The following AP2A2 variants were observed in gnomAD, a reference collection of about 807,000 sequenced individuals.
AP2A2 encodes the protein adaptor related protein complex 2 subunit alpha 2.
AP2A2 carries 32 observed loss-of-function variants against 104.2 expected under a neutral mutation model. The ratio of observed to expected loss-of-function variants is 0.31; its 90% CI spans 0.23 to 0.41. The LOEUF is 0.41. Ranked by LOEUF, AP2A2 falls within the 10% of genes least tolerant of loss-of-function variation. The pLI is 1.00. For synonymous variants in AP2A2, 539 were observed against 533.3 expected, an observed-to-expected ratio of 1.01 and a Z score of -0.15; for missense variants, 912 against 1,261.0, an observed-to-expected ratio of 0.72 and a Z score of 4.19.
At chr11:948,459 A>G (rs1853927248) in intron 1 of AP2A2, 1 of 152,270 alleles carries the variant, frequency 6.6e-6, no homozygotes, top group African/African-American at 2.4e-5. Context: ...AATTGGAACA[A>G]TACAGAGATT....
intron 1 of AP2A2, among the ~76,000 whole-genome samples, chr11:956,410 G>A (rs1854236736): frequency 6.6e-6 from 1 of 152,048 alleles, no homozygotes; most frequent in Admixed American, 6.5e-5. Flanking sequence ...CGACCCACCT[G>A]CCTCTGATGA....
chr11:970,909 C>G (rs1020753201), intron 3 of AP2A2, among the ~76,000 whole-genome samples: 2 of 152,262 alleles, frequency 1.3e-5, no homozygotes, highest in South Asian at 2.1e-4. Context: ...TGTCCTGTCA[C>G]TCTACTTTTG....
At chr11:984,121 T>C (rs1048525684) in intron 6 of AP2A2, among the ~76,000 whole-genome samples, 7 of 152,006 alleles carry the variant, frequency 4.6e-5, no homozygotes, top group African/African-American at 1.5e-4. Context: ...GTAGTCGTGA[T>C]TGTCACTTGT....
intron 4 of AP2A2, 138 bp downstream of exon 4, chr11:972,393 G>A (rs1012292455): frequency 9.3e-7 from 1 of 1,077,326 alleles, no homozygotes; most frequent in East Asian, 2.6e-5. Flanking sequence ...CCTAAGGTGG[G>A]ATCCAGAATT....
Position 948,121 on chromosome 11 carries a change from G to A in AP2A2, c.68-11316G>A, listed in dbSNP as rs567757009. Among the ~76,000 whole-genome samples the A allele has an allele frequency of 2.7e-4, 41 of 152,078 alleles. No homozygotes were observed. The South Asian group carries it at 7.9e-3, about 29-fold the overall frequency. ...CACCTTAAGACACCAGAAAAAGCAC[G>A]AACAAAACCTAAAACAAGAAGGAAG... On this transcript the variant is annotated intron_variant, in intron 1 of 21. Transcript: ENST00000448903.
chr11:967,741 A>G (rs1854670412), intron 2 of AP2A2, among the ~76,000 whole-genome samples: 1 of 152,122 alleles, frequency 6.6e-6, no homozygotes, highest in Non-Finnish European at 1.5e-5. Context: ...AAGACAAGCA[A>G]GTGGCTGCAT....
chr11:953,331 A>AT (rs1241722623), intron 1 of AP2A2, among the ~76,000 whole-genome samples: 1 of 151,990 alleles, frequency 6.6e-6, no homozygotes, highest in Non-Finnish European at 1.5e-5. Context: ...TGCCCAGCTA[A>AT]TTTTTGTGTT....
chr11:933,502 G>A (rs900155310), intron 1 of AP2A2: 12 of 455,886 alleles, frequency 2.6e-5, no homozygotes, highest in Middle Eastern at 6.8e-4. Context: ...GGGTGTTCCC[G>A]TGTAGAAGTG....
intron 1 of AP2A2, among the ~76,000 whole-genome samples, chr11:935,908 T>C (rs1853443498): frequency 6.6e-6 from 1 of 150,674 alleles, no homozygotes; most frequent in South Asian, 2.1e-4. Flanking sequence ...TCCTTTTTTT[T>C]TTTTTTTCCC....
At chr11:962,762 C>A (rs946549816) in intron 2 of AP2A2, among the ~76,000 whole-genome samples, 7 of 152,050 alleles carry the variant, frequency 4.6e-5, no homozygotes, top group African/African-American at 1.7e-4. Flanking sequence ...TTTATAAATT[C>A]TGTATAAATG....
At position 993,653 on chromosome 11, in the gene AP2A2, G is replaced by A. The variant is rs1319744644; in HGVS notation, c.1551-101G>A. On this transcript the variant is annotated intron_variant, in intron 12 of 21. Transcript: ENST00000448903. This position sits in a 1 kb window ranked among gnomAD's most constrained non-coding sequence, Gnocchi z 8.2. The stretch of plus-strand genomic sequence containing the variant: ...AGAGGGTCCCGACCAGCGGCCTCTG[G>A]TGCAGGCCAGGGGGTCTCGCCGCCG... 3 of 901,536 alleles carry A rather than the reference G, an allele frequency of 3.3e-6. No individual in the cohort carries two copies. The highest frequency in any genetic ancestry group is 5.1e-6 in the Non-Finnish European group (3 of 593,648). The allele number at this position is 901,536 out of a possible 1,614,324, so 55.8% of individuals were successfully genotyped here.
At chr11:974,343 A>G (rs143962589) in intron 4 of AP2A2, among the ~76,000 whole-genome samples, 2 of 152,202 alleles carry the variant, frequency 1.3e-5, no homozygotes, top group African/African-American at 4.8e-5. Context: ...CCTTCCTTGA[A>G]GAAAAGGGCT....
intron 1 of AP2A2, among the ~76,000 whole-genome samples, chr11:927,494 C>T (rs1324987643): frequency 6.7e-6 from 1 of 149,990 alleles, no homozygotes; most frequent in Non-Finnish European, 1.5e-5. Flanking sequence ...ACCATCTAAC[C>T]CTTCCTGTAC....
In AP2A2 at chr11:977,408, T is replaced by C. The variant is rs535949215; in HGVS notation, c.603+184T>C. ...TGGATGAGTAAGACTCCGCCTCTGCTCATCCTGTGGCCAGGCATTGGCTGA... is the reference window on the plus strand; with the variant it reads ...TGGATGAGTAAGACTCCGCCTCTGCCCATCCTGTGGCCAGGCATTGGCTGA... On this transcript the variant is annotated intron_variant, in intron 5 of 21. Coordinates refer to ENST00000448903, the MANE Select transcript of AP2A2 (RefSeq NM_012305.4). Among the ~76,000 whole-genome samples, 6 of 151,620 alleles carry C rather than the reference T, an allele frequency of 4.0e-5. No individual in the cohort carries two copies. The South Asian group carries it at 6.3e-4, about 16-fold the overall frequency.
chr11:980,793 G>A (rs1442585057), intron 5 of AP2A2, among the ~76,000 whole-genome samples: 1 of 152,256 alleles, frequency 6.6e-6, no homozygotes, highest in Non-Finnish European at 1.5e-5. Flanking sequence ...TCAGATCAGT[G>A]TAAAGGTAGC....
intron 8 of AP2A2, 156 bp downstream of exon 8, chr11:985,738 C>T: frequency 9.0e-7 from 1 of 1,105,290 alleles, no homozygotes; most frequent in Non-Finnish European, 1.3e-6. Flanking sequence ...TTTTTTCTTT[C>T]TGTGCAGCCC....
Position 992,500 on chromosome 11 carries a change from C to T in AP2A2, c.1270-3C>T, listed in dbSNP as rs757482766. On this transcript the variant is annotated splice_region_variant and splice_polypyrimidine_tract_variant and intron_variant, in intron 10 of 21. Coordinates refer to ENST00000448903, the MANE Select transcript of AP2A2 (RefSeq NM_012305.4). This position sits in a 1 kb window ranked among gnomAD's most constrained non-coding sequence, Gnocchi z 6.4. ...CCGGCCCTCAGCAGCCTGTCCCCCA[C>T]AGGTGCTGAAGGTCGCCATCCTGGC... is the stretch of plus-strand genomic sequence containing the variant. The T allele has an allele frequency of 3.2e-6, 5 of 1,581,486 alleles. No individual in the cohort carries two copies. In the East Asian group the frequency reaches 1.2e-4, roughly 37 times the overall value.
At chr11:1,004,174 G>A (rs1267922007) in intron 16 of AP2A2, among the ~76,000 whole-genome samples, 1 of 152,216 alleles carries the variant, frequency 6.6e-6, no homozygotes, top group Non-Finnish European at 1.5e-5. Flanking sequence ...CAGGATGGCT[G>A]TTAGAAAACA....
At chr11:960,983 A>G (rs1307367282) in intron 2 of AP2A2, among the ~76,000 whole-genome samples, 1 of 152,256 alleles carries the variant, frequency 6.6e-6, no homozygotes, top group African/African-American at 2.4e-5. Context: ...TAACTGTAGA[A>G]TGGGGAAACC....
Sources: allele counts gnomAD v4.1 joint callset (sites outside exome capture counted in the v4.1 genomes callset), GRCh38; gene constraint gnomAD v4.1.1; non-coding constraint Gnocchi (gnomAD v3.1); transcripts MANE v1.5; gene names NCBI Gene and HGNC (gene_info 2026-07-23, HGNC 2026-07-21).